HMBOX1: variants seen among roughly 807,000 people sequenced by gnomAD.
HMBOX1 encodes homeobox-containing protein 1.
Under a neutral mutation model 54.5 loss-of-function variants are expected in HMBOX1, and 14 were observed. The observed-to-expected ratio is 0.26, with a 90% confidence interval of 0.17 to 0.40. The LOEUF (loss-of-function observed/expected upper bound fraction) is 0.40. HMBOX1 is among the 10% of genes least tolerant of loss of function. HMBOX1 has a pLI of 1.00. For missense variants in HMBOX1, 332 were observed against 514.4 expected (o/e 0.65, Z 3.43); for synonymous variants, 160 against 181.0 (o/e 0.88, Z 0.93).
intron 6 of HMBOX1, among the ~76,000 whole-genome samples, chr8:29,021,582 G>A (rs1294709076): frequency 3.3e-5 from 5 of 152,050 alleles, no homozygotes; most frequent in African/African-American, 1.2e-4. Flanking sequence ...TCGGCCAGGC[G>A]CGGTGGCTCA....
At position 28,957,973 on chromosome 8, in the gene HMBOX1, C is replaced by T. The variant is rs146132757; in HGVS notation, c.-57-5838C>T. On this transcript the variant is annotated intron_variant, in intron 1 of 9. Coordinates refer to ENST00000287701, the MANE Select transcript of HMBOX1 (RefSeq NM_001135726.3). ...AGGAAAACCTTTTTGGCTTCTTTCTCAATATAGTTATTCATAAATATTGGG... is the reference window on the plus strand; with the variant it reads ...AGGAAAACCTTTTTGGCTTCTTTCTTAATATAGTTATTCATAAATATTGGG... 2.5e-3 allele frequency among the ~76,000 whole-genome samples: 382 copies of T among 152,234 alleles called. 1 individual carries two copies. Among genetic ancestry groups the T allele is most frequent in the African/African-American group, 8.8e-3 (366 of 41,532 alleles).
At chr8:29,002,779 G>A (rs943040001) in intron 4 of HMBOX1, among the ~76,000 whole-genome samples, 5 of 151,946 alleles carry the variant, frequency 3.3e-5, no homozygotes, top group Non-Finnish European at 5.9e-5. Flanking sequence ...TCTATAGTGT[G>A]GTTTCATTTC....
intron 4 of HMBOX1, among the ~76,000 whole-genome samples, chr8:28,991,341 A>T (rs1205634960): frequency 1.3e-5 from 2 of 152,182 alleles, no homozygotes; most frequent in Non-Finnish European, 2.9e-5. Context: ...ACCAAATTAA[A>T]TTAGCTTTAG....
At position 28,973,803 on chromosome 8, in the gene HMBOX1, G is replaced by GTTTTTTTTTTTTTTTTTTTTTTTTT. The variant is rs71222583; in HGVS notation, c.500+3291_500+3315dup. On this transcript the variant is annotated intron_variant, in intron 3 of 9. Coordinates refer to ENST00000287701, the MANE Select transcript of HMBOX1 (RefSeq NM_001135726.3). ...TAATAATTTCGAGATACATAATGGA[G>GTTTTTTTTTTTTTTTTTTTTTTTTT]TTTTTTTTTTTTTTTTTTTTTTTTT... 2.1e-4 allele frequency among the ~76,000 whole-genome samples: 15 copies of GTTTTTTTTTTTTTTTTTTTTTTTTT among 72,656 alleles called. 1 individual carries two copies. Among genetic ancestry groups the GTTTTTTTTTTTTTTTTTTTTTTTTT allele is most frequent in the Middle Eastern group, 0.017 (2 of 118 alleles). The allele number at this position is 72,656 out of a possible 152,430, so 47.7% of individuals were successfully genotyped here.
intron 4 of HMBOX1, among the ~76,000 whole-genome samples, chr8:28,995,637 C>A (rs1831695429): frequency 6.6e-6 from 1 of 152,170 alleles, no homozygotes; most frequent in Non-Finnish European, 1.5e-5. Context: ...TTCACATACT[C>A]ACCAACACTT....
intron 4 of HMBOX1, among the ~76,000 whole-genome samples, chr8:28,980,575 C>G (rs1435923774): frequency 6.6e-6 from 1 of 152,148 alleles, no homozygotes; most frequent in Non-Finnish European, 1.5e-5. Flanking sequence ...TTTTAAACCA[C>G]TTTTCCATAT....
At chr8:28,894,208 A>C (rs1440444501) in intron 1 of HMBOX1, among the ~76,000 whole-genome samples, 1 of 152,228 alleles carries the variant, frequency 6.6e-6, no homozygotes, top group East Asian at 1.9e-4. Flanking sequence ...GTAATTTATT[A>C]AAGCATTGTT....
At chr8:29,000,848 G>A (rs1017067342) in intron 4 of HMBOX1, among the ~76,000 whole-genome samples, 4 of 152,208 alleles carry the variant, frequency 2.6e-5, no homozygotes, top group Admixed American at 1.3e-4. Flanking sequence ...GGCATGGGAG[G>A]AGGCCAAGTT....
chr8:28,969,949 T>C lies in HMBOX1; in HGVS notation c.24-94T>C, dbSNP rs1442982763. The stretch of plus-strand genomic sequence containing the variant: ...CCTTCATTTTCAATACAGAAGCTTA[T>C]GTAGAAATATTGCATCTTCTGAGCA... On this transcript the variant is annotated intron_variant, in intron 2 of 9. Transcript: ENST00000287701. The C allele has an allele frequency of 4.0e-5, 31 of 778,758 alleles. No individual in the cohort carries two copies. In the South Asian group the frequency reaches 5.4e-4, roughly 14 times the overall value. 48.2% of individuals were successfully genotyped at this position (778,758 alleles called of 1,614,324 possible). A position where few individuals can be genotyped will look rare whatever the true frequency, so the allele number is the denominator to read the frequency against.
rs573192969 is a variant in HMBOX1 at position 28,892,025 on chromosome 8, CCTTT to C, written c.-58+1355_-58+1358del. Among the ~76,000 whole-genome samples the C allele has an allele frequency of 1.2e-4, 18 of 152,282 alleles. No individual in the cohort carries two copies. The East Asian group carries it at 2.9e-3, about 24-fold the overall frequency. On this transcript the variant is annotated intron_variant, in intron 1 of 9. Transcript: ENST00000287701. ...TCCTTCCTTCCTTCCTTAAGTCCTT[CCTTT>C]CTTTCTTGGCTTCGTACAACATTTC... is the stretch of plus-strand genomic sequence containing the variant.
At chr8:28,999,880 G>A (rs560994517) in intron 4 of HMBOX1, among the ~76,000 whole-genome samples, 5 of 152,102 alleles carry the variant, frequency 3.3e-5, no homozygotes, top group African/African-American at 9.6e-5. Flanking sequence ...TTCAATATCT[G>A]GATTTCTTCT....
At chr8:28,978,977 T>C (rs577075500) in intron 3 of HMBOX1, among the ~76,000 whole-genome samples, 24 of 152,282 alleles carry the variant, frequency 1.6e-4, no homozygotes, top group African/African-American at 5.8e-4. Context: ...TTAGTATGTG[T>C]TTATCGTTAG....
chr8:29,047,794 C>T (rs1021192242), intron 8 of HMBOX1, among the ~76,000 whole-genome samples: 1 of 151,952 alleles, frequency 6.6e-6, no homozygotes, highest in Non-Finnish European at 1.5e-5. Context: ...CTCGAACTCC[C>T]GACCTCAGGT....
At chr8:29,004,721 T>C (rs926043770) in intron 4 of HMBOX1, among the ~76,000 whole-genome samples, 1 of 152,124 alleles carries the variant, frequency 6.6e-6, no homozygotes, top group Non-Finnish European at 1.5e-5. Context: ...ACAAGATAGG[T>C]TTTGAGGAAC....
At chr8:28,922,520 C>A (rs531764798) in intron 1 of HMBOX1, among the ~76,000 whole-genome samples, 1 of 152,238 alleles carries the variant, frequency 6.6e-6, no homozygotes, top group Non-Finnish European at 1.5e-5. Flanking sequence ...GCAAAACATT[C>A]TTTGTTTAAT....
At chr8:28,908,152 C>G (rs1297392505) in intron 1 of HMBOX1, among the ~76,000 whole-genome samples, 2 of 152,094 alleles carry the variant, frequency 1.3e-5, no homozygotes. Flanking sequence ...TGTGCCCAGC[C>G]TAAAATATAC....
chr8:28,904,272 G>A (rs909285741), intron 1 of HMBOX1, among the ~76,000 whole-genome samples: 3 of 141,922 alleles, frequency 2.1e-5, no homozygotes, highest in African/African-American at 7.9e-5. Context: ...TTTTTGAGAC[G>A]GAGTCTTGCT....
At chr8:28,898,872 T>A (rs1812667440) in intron 1 of HMBOX1, among the ~76,000 whole-genome samples, 1 of 152,186 alleles carries the variant, frequency 6.6e-6, no homozygotes, top group Non-Finnish European at 1.5e-5. Flanking sequence ...GTGACCTTGG[T>A]GGGAGGTAGC....
intron 1 of HMBOX1, among the ~76,000 whole-genome samples, chr8:28,900,057 T>G (rs933826841): frequency 1.3e-5 from 2 of 151,916 alleles, no homozygotes; most frequent in South Asian, 4.2e-4. Flanking sequence ...AAGACCAGCC[T>G]GGCCAACATG....
Sources: gnomAD v4.1 joint callset for allele counts (sites outside exome capture counted in the v4.1 genomes callset) on GRCh38, gnomAD v4.1.1 for gene constraint, MANE v1.5 for transcripts, NCBI Gene and HGNC (gene_info 2026-07-23, HGNC 2026-07-21) for gene names.